The following CMYA5 variants were observed in gnomAD, a reference collection of about 807,000 sequenced individuals.
The protein encoded by CMYA5 is cardiomyopathy associated 5.
CMYA5 carries 246 observed loss-of-function variants against 318.9 expected under a neutral mutation model. The observed-to-expected ratio is 0.77, with a 90% confidence interval of 0.70 to 0.86. The LOEUF (loss-of-function observed/expected upper bound fraction) is 0.86, where lower values mean the gene tolerates loss of function less well. CMYA5 is among the 40% of genes least tolerant of loss of function. CMYA5 has a pLI of 0.00. For synonymous variants in CMYA5, 1,641 were observed against 1,729.5 expected, an observed-to-expected ratio of 0.95 and a Z score of 1.27; for missense variants, 4,589 against 4,678.2, an observed-to-expected ratio of 0.98 and a Z score of 0.56.
At chr5:79,723,114 G>A (rs903894293) in intron 1 of CMYA5, among the ~76,000 whole-genome samples, 1 of 152,064 alleles carries the variant, frequency 6.6e-6, no homozygotes, top group African/African-American at 2.4e-5. Context: ...TCATAATCTT[G>A]CTACAAAAAC....
At position 79,730,476 on chromosome 5, in the gene CMYA5, T is replaced by C. The variant is rs764200838; in HGVS notation, c.1711T>C (p.Ser571Pro). The change falls in exon 2 of 13, where the codon TCT becomes CCT. Residue 571 changes from serine to proline, a missense_variant. Transcript: ENST00000446378. ...TATTCTACCATTATTGGCAGCATCA[T>C]CTCCTGAACATGTTGCTTTGTCTGA... ...ELILPLLAAS[S>P]PEHVALSEEE... 3 of 1,613,884 alleles carry C rather than the reference T, an allele frequency of 1.9e-6. No individual in the cohort carries two copies.
chr5:79,764,347 G>C (rs1196998687), intron 9 of CMYA5, among the ~76,000 whole-genome samples: 1 of 152,038 alleles, frequency 6.6e-6, no homozygotes, highest in African/African-American at 2.4e-5. Context: ...CTTTTTTATG[G>C]CTGCATAGTA....
chr5:79,776,864 A>G (rs1189411353), intron 9 of CMYA5, among the ~76,000 whole-genome samples: 1 of 152,224 alleles, frequency 6.6e-6, no homozygotes, highest in Non-Finnish European at 1.5e-5. Context: ...GAATCACGGC[A>G]CTGGATTCCT....
rs2151086340 is a variant in CMYA5 at position 79,734,107 on chromosome 5, A to G, written c.5342A>G (p.Gln1781Arg). Reference sequence around the variant, plus strand: ...CCACCAACTGGAAATTTGAAGGCACAAGTCATGGGAGATATTTTAGATAAG... The same window carrying G: ...CCACCAACTGGAAATTTGAAGGCACGAGTCATGGGAGATATTTTAGATAAG... ...PLPPTGNLKA[Q>R]VMGDILDKLS... The change falls in exon 2 of 13, where the codon CAA becomes CGA. Residue 1781 changes from glutamine (Q) to arginine (R), a missense_variant. Physicochemically the swap from Gln to Arg is conservative, Grantham distance 43. Coordinates refer to ENST00000446378, the MANE Select transcript of CMYA5 (RefSeq NM_153610.5). 1.2e-6 allele frequency: 2 copies of G among 1,613,736 alleles called. No homozygotes were observed. The highest frequency in any genetic ancestry group is 8.5e-7 in the Non-Finnish European group (1 of 1,179,802).
chr5:79,791,508 T>G (rs544565762), intron 11 of CMYA5, among the ~76,000 whole-genome samples: 2 of 151,810 alleles, frequency 1.3e-5, no homozygotes, highest in East Asian at 3.9e-4. Flanking sequence ...ATCATTTGAG[T>G]TCAGGAGTTT....
Position 79,737,525 on chromosome 5 carries a change from A to G in CMYA5, c.8760A>G (p.Thr2920=), listed in dbSNP as rs1253763388. The G allele has an allele frequency of 6.2e-7, 1 of 1,613,400 alleles. No individual in the cohort carries two copies. The highest frequency in any genetic ancestry group is 1.3e-5 in the African/African-American group (1 of 74,890). Residue 2920 remains threonine (T), a synonymous_variant, in exon 2 of 13, where the codon ACA becomes ACG. Transcript: ENST00000446378. Reference sequence around the variant, plus strand: ...AAATGCCCAAGGAACCTGAAGACACATATGCAAAAGGTGAAGACTTTACAG... The same window carrying G: ...AAATGCCCAAGGAACCTGAAGACACGTATGCAAAAGGTGAAGACTTTACAG... ...NKEMPKEPED[T]YAKGEDFTVT... is the part of the protein sequence containing the mutation.
At chr5:79,698,853 G>A (rs1201729405) in intron 1 of CMYA5, among the ~76,000 whole-genome samples, 1 of 152,174 alleles carries the variant, frequency 6.6e-6, no homozygotes. Context: ...TACACAGTAG[G>A]GGCCTAATAA....
Position 79,689,886 on chromosome 5 carries a change from C to CG in CMYA5, c.-20dup. 1 of 724,454 alleles carries CG rather than the reference C, an allele frequency of 1.4e-6. No homozygotes were observed. Among genetic ancestry groups the CG allele is most frequent in the East Asian group, 3.0e-5 (1 of 33,774 alleles). The allele number at this position is 724,454 out of a possible 1,614,324, so 44.9% of individuals were successfully genotyped here. On this transcript the variant is annotated 5_prime_UTR_variant, in exon 1 of 13. Transcript: ENST00000446378. ...GCGCGGGCGGCTCCGGCTCCGGCCCCGGCCCAGGCCCGGGAGAGGCGATGG... is the reference window on the plus strand; with the variant it reads ...GCGCGGGCGGCTCCGGCTCCGGCCCCGGGCCCAGGCCCGGGAGAGGCGATGG...
intron 5 of CMYA5, among the ~76,000 whole-genome samples, chr5:79,748,520 C>T (rs62363677): frequency 0.021 from 3,109 of 149,140 alleles, 86 homozygotes; most frequent in African/African-American, 0.059. Context: ...TATCTATCTA[C>T]CTATCTATCT....
At chr5:79,774,002 T>C (rs143958649) in intron 9 of CMYA5, among the ~76,000 whole-genome samples, 117 of 152,290 alleles carry the variant, frequency 7.7e-4, no homozygotes, top group African/African-American at 2.7e-3. Context: ...GAGAATCTAA[T>C]TTTGCTTGCC....
chr5:79,787,198 C>T (rs1330418637), intron 9 of CMYA5, among the ~76,000 whole-genome samples: 1 of 152,098 alleles, frequency 6.6e-6, no homozygotes, highest in Non-Finnish European at 1.5e-5. Flanking sequence ...CCCACCAATC[C>T]TTGTCACTTT....
chr5:79,776,647 G>C (rs1828944672), intron 9 of CMYA5, among the ~76,000 whole-genome samples: 1 of 152,188 alleles, frequency 6.6e-6, no homozygotes, highest in South Asian at 2.1e-4. Flanking sequence ...GGCAGGCTTG[G>C]GGAACACTGC....
At chr5:79,743,440 T>C (rs892724906) in intron 2 of CMYA5, among the ~76,000 whole-genome samples, 1 of 152,162 alleles carries the variant, frequency 6.6e-6, no homozygotes, top group African/African-American at 2.4e-5. Flanking sequence ...CTCAGGTATA[T>C]TGGACCAGTT....
chr5:79,729,122 A>C lies in CMYA5; in HGVS notation c.357A>C (p.Gly119=), dbSNP rs911816231. ...REGSTVNSPP[G]NVSFIVDEVK... ...GGTCAACTGTGAATTCTCCTCCTGG[A>C]AATGTTTCCTTTATTGTGGATGAAG... is the stretch of plus-strand genomic sequence containing the variant. Residue 119 remains glycine, a synonymous_variant, in exon 2 of 13, where the codon GGA becomes GGC. Coordinates refer to ENST00000446378, the MANE Select transcript of CMYA5 (RefSeq NM_153610.5). 52 of 1,613,354 alleles carry C rather than the reference A, an allele frequency of 3.2e-5. No homozygotes were observed. Among genetic ancestry groups the C allele is most frequent in the Non-Finnish European group, 4.2e-5 (49 of 1,179,712 alleles).
intron 9 of CMYA5, among the ~76,000 whole-genome samples, chr5:79,778,811 C>CTGTGTGTGTGTGTGTGTG (rs35461782): frequency 8.8e-4 from 75 of 84,970 alleles, no homozygotes; most frequent in South Asian, 7.0e-3. Flanking sequence ...CTCTCTCTTT[C>CTGTGTGTGTGTGTGTGTG]TGTGTGTGTG....
chr5:79,709,333 A>C (rs1018391275), intron 1 of CMYA5, among the ~76,000 whole-genome samples: 1 of 152,204 alleles, frequency 6.6e-6, no homozygotes, highest in Non-Finnish European at 1.5e-5. Flanking sequence ...TGTTTATCAG[A>C]GTTATTATAG....
At chr5:79,715,623 C>T (rs532009900) in intron 1 of CMYA5, among the ~76,000 whole-genome samples, 19 of 152,182 alleles carry the variant, frequency 1.2e-4, no homozygotes, top group East Asian at 7.7e-4. Flanking sequence ...GGAAACTAGA[C>T]GCCTGGTGAG....
At position 79,734,392 on chromosome 5, in the gene CMYA5, A is replaced by G. The variant is rs1368656479; in HGVS notation, c.5627A>G (p.Asp1876Gly). The G allele has an allele frequency of 2.5e-6, 4 of 1,613,856 alleles. No homozygotes were observed. The highest frequency in any genetic ancestry group is 3.4e-6 in the Non-Finnish European group (4 of 1,179,788). ...TCATTTATGACAACCAAGCCTGCGG[A>G]TGTCAAAGAAACAAAAATGGAAGAA... ...SKSFMTTKPADVKETKMEEFF... is the reference protein window; with the variant it reads ...SKSFMTTKPAGVKETKMEEFF... The change falls in exon 2 of 13, where the codon GAT (aspartate) becomes GGT (glycine). Residue 1876 changes from aspartate to glycine, a missense_variant. Asp to Gly is a moderately conservative substitution (Grantham distance 94). This residue lies in a region of CMYA5 where 26 missense variants were observed against 51.8 expected (regional missense o/e 0.50). Transcript: ENST00000446378.
Position 79,799,828 on chromosome 5 carries a change from C to A in CMYA5, c.*212C>A. The A allele has an allele frequency of 4.3e-6, 2 of 461,808 alleles. No individual in the cohort carries two copies. Among genetic ancestry groups the A allele is most frequent in the South Asian group, 3.7e-5 (1 of 27,312 alleles). The allele number at this position is 461,808 out of a possible 1,614,324, so 28.6% of individuals were successfully genotyped here. ...GAGTAAACAGAATGAAAACAACAAC[C>A]TCCACTCTTTAGTTTATATAAGTTT... On this transcript the variant is annotated 3_prime_UTR_variant, in exon 13 of 13. Transcript: ENST00000446378.
Sources: allele counts gnomAD v4.1 joint callset (sites outside exome capture counted in the v4.1 genomes callset), GRCh38; gene constraint gnomAD v4.1.1; regional missense constraint gnomAD v4.1.1; transcripts MANE v1.5; gene names NCBI Gene and HGNC (gene_info 2026-07-23, HGNC 2026-07-21).